Variants in DSCAM observed in about 807,000 individuals in gnomAD.
The protein encoded by DSCAM is cell adhesion molecule DSCAM.
A neutral mutation model predicts 217.7 loss-of-function variants in DSCAM; 47 were observed. That is an observed-to-expected ratio of 0.22 (90% CI 0.17 to 0.28). The LOEUF (loss-of-function observed/expected upper bound fraction) is 0.28. Ranked by LOEUF, DSCAM falls within the 10% of genes least tolerant of loss-of-function variation. The pLI is 1.00. For synonymous variants in DSCAM, 1,056 were observed against 1,015.3 expected (o/e 1.04, Z -0.76); for missense variants, 2,080 against 2,618.3 (o/e 0.79, Z 4.49).
At chr21:40,137,692 T>TA (rs1192256391) in intron 18 of DSCAM, among the ~76,000 whole-genome samples, 5 of 151,302 alleles carry the variant, frequency 3.3e-5, no homozygotes, top group Non-Finnish European at 7.4e-5. Context: ...GAAATAAAAT[T>TA]AAAAAAATAT....
chr21:40,520,357 T>C (rs945164573), intron 3 of DSCAM, among the ~76,000 whole-genome samples: 5 of 152,346 alleles, frequency 3.3e-5, no homozygotes, highest in Middle Eastern at 3.4e-3. Context: ...CAGGATTCAA[T>C]GCAATGCTAT....
intron 3 of DSCAM, among the ~76,000 whole-genome samples, chr21:40,526,353 C>T (rs75044728): frequency 1.3e-5 from 2 of 152,130 alleles, no homozygotes; most frequent in South Asian, 2.1e-4. Context: ...CAAGGCCAAG[C>T]CTTTCAGGGA....
At chr21:40,211,581 C>T (rs1180601167) in intron 11 of DSCAM, among the ~76,000 whole-genome samples, 1 of 152,176 alleles carries the variant, frequency 6.6e-6, no homozygotes, top group Non-Finnish European at 1.5e-5. Context: ...TTGTTGTTCT[C>T]ATAAATGTGT....
chr21:40,748,165 A>G (rs1291011965), intron 1 of DSCAM, among the ~76,000 whole-genome samples: 1 of 152,026 alleles, frequency 6.6e-6, no homozygotes, highest in Non-Finnish European at 1.5e-5. Context: ...CAAGACAAAA[A>G]TGCCCACATT....
At chr21:40,704,778 T>A (rs2090694812) in intron 2 of DSCAM, among the ~76,000 whole-genome samples, 1 of 152,188 alleles carries the variant, frequency 6.6e-6, no homozygotes, top group Non-Finnish European at 1.5e-5. Flanking sequence ...ATTATATTCA[T>A]GTCTGTTCCA....
In DSCAM at chr21:40,469,434, C is replaced by T. The variant is rs1030773932; in HGVS notation, c.509-100189G>A. Among the ~76,000 whole-genome samples, 4 of 152,230 alleles carry T rather than the reference C, an allele frequency of 2.6e-5. No homozygotes were observed. The East Asian group carries it at 7.7e-4, about 29-fold the overall frequency. ...TTCAGATTGGAGGCTGGTAGAGGGG[C>T]TCCTGGAGCTGTCTCTGCTGGAAAA... On this transcript the variant is annotated intron_variant, in intron 3 of 32. Coordinates refer to ENST00000400454, the MANE Select transcript of DSCAM (RefSeq NM_001389.5).
At chr21:40,829,661 A>G (rs2091997300) in intron 1 of DSCAM, among the ~76,000 whole-genome samples, 1 of 152,196 alleles carries the variant, frequency 6.6e-6, no homozygotes, top group Non-Finnish European at 1.5e-5. Flanking sequence ...AGATCACTAC[A>G]GACAGGTGGT....
chr21:40,368,629 A>C lies in DSCAM; in HGVS notation c.655+470T>G, dbSNP rs2074860013. Among the ~76,000 whole-genome samples, 4 of 152,330 alleles carry C rather than the reference A, an allele frequency of 2.6e-5. No homozygotes were observed. The South Asian group carries it at 8.3e-4, about 32-fold the overall frequency. On this transcript the variant is annotated intron_variant, in intron 4 of 32. Coordinates refer to ENST00000400454, the MANE Select transcript of DSCAM (RefSeq NM_001389.5). Reference sequence around the variant, plus strand: ...CTTCTTCCCATAAAGCATTATTACAAATAAGGTACTTCTCAAATATTGATA... The same window carrying C: ...CTTCTTCCCATAAAGCATTATTACACATAAGGTACTTCTCAAATATTGATA...
chr21:40,173,736 C>T (rs1601408430), intron 15 of DSCAM, among the ~76,000 whole-genome samples: 1 of 152,162 alleles, frequency 6.6e-6, no homozygotes, highest in East Asian at 1.9e-4. Context: ...TCTTCCAGAT[C>T]ACAGCTGCTG....
intron 3 of DSCAM, among the ~76,000 whole-genome samples, chr21:40,370,627 GT>G (rs11292031): frequency 0.16 from 23,042 of 146,282 alleles, 2,454 homozygotes; most frequent in African/African-American, 0.28. Context: ...ATGGTTTATG[GT>G]TTTTTTTTTT....
chr21:40,582,770 C>T (rs1203981187), intron 3 of DSCAM, among the ~76,000 whole-genome samples: 1 of 152,102 alleles, frequency 6.6e-6, no homozygotes, highest in Non-Finnish European at 1.5e-5. Flanking sequence ...CATTGCCTTA[C>T]TAGAAGCAAG....
intron 3 of DSCAM, among the ~76,000 whole-genome samples, chr21:40,579,585 G>A (rs2076886819): frequency 6.6e-6 from 1 of 152,162 alleles, no homozygotes. Context: ...AGAAACCCAT[G>A]TCTTGCCTAT....
At chr21:40,473,671 C>T (rs987199515) in intron 3 of DSCAM, among the ~76,000 whole-genome samples, 1 of 152,140 alleles carries the variant, frequency 6.6e-6, no homozygotes, top group Non-Finnish European at 1.5e-5. Flanking sequence ...GTCCCAACCC[C>T]CAGTACCTCG....
At chr21:40,815,659 AT>A (rs1310982866) in intron 1 of DSCAM, among the ~76,000 whole-genome samples, 1 of 152,148 alleles carries the variant, frequency 6.6e-6, no homozygotes, top group Admixed American at 6.5e-5. Context: ...TTCCTAAGTT[AT>A]GGCCGTTTGC....
At chr21:40,805,542 T>C (rs1314397193) in intron 1 of DSCAM, among the ~76,000 whole-genome samples, 2 of 152,062 alleles carry the variant, frequency 1.3e-5, no homozygotes, top group Non-Finnish European at 2.9e-5. Flanking sequence ...AAAGTTTCCT[T>C]CCCCTTCCAG....
intron 5 of DSCAM, among the ~76,000 whole-genome samples, chr21:40,352,275 A>C: frequency 6.6e-6 from 1 of 152,200 alleles, no homozygotes; most frequent in Non-Finnish European, 1.5e-5. Flanking sequence ...AGAGGTCTTT[A>C]AACACAGAAG....
At chr21:40,329,697 G>A (rs1423998557) in intron 8 of DSCAM, among the ~76,000 whole-genome samples, 2 of 151,664 alleles carry the variant, frequency 1.3e-5, no homozygotes, top group Non-Finnish European at 2.9e-5. Context: ...TCAGCCTTAA[G>A]ACTATTCAAC....
intron 11 of DSCAM, among the ~76,000 whole-genome samples, chr21:40,236,509 T>C (rs558639272): frequency 2.0e-4 from 31 of 152,152 alleles, no homozygotes; most frequent in African/African-American, 7.5e-4. Flanking sequence ...AGGAGCTAGA[T>C]CTCAGGTGCT....
At chr21:40,623,647 C>T (rs1455872603) in intron 3 of DSCAM, among the ~76,000 whole-genome samples, 1 of 152,160 alleles carries the variant, frequency 6.6e-6, no homozygotes, top group African/African-American at 2.4e-5. Flanking sequence ...GTGTGGGTCT[C>T]TGCAAACAAA....
Sources: allele counts gnomAD v4.1 joint callset (sites outside exome capture counted in the v4.1 genomes callset), GRCh38; gene constraint gnomAD v4.1.1; transcripts MANE v1.5; gene names NCBI Gene and HGNC (gene_info 2026-07-23, HGNC 2026-07-21).